Variants in KIAA0232 observed in about 807,000 individuals in gnomAD.
KIAA0232 encodes the protein KIAA0232, also known as uncharacterized protein KIAA0232.
KIAA0232 carries 27 observed loss-of-function variants against 122.0 expected under a neutral mutation model. The ratio of observed to expected loss-of-function variants is 0.22; its 90% confidence interval spans 0.16 to 0.31. The LOEUF (loss-of-function observed/expected upper bound fraction) is 0.31, where lower values mean the gene tolerates loss of function less well. Ranked by LOEUF, KIAA0232 falls within the 10% of genes least tolerant of loss-of-function variation. The probability of loss-of-function intolerance (pLI) is 1.00; values close to 1 mark genes in which losing one functional copy is unlikely to be tolerated. For synonymous variants in KIAA0232, 613 were observed against 587.6 expected (o/e 1.04, Z -0.63); for missense variants, 1,551 against 1,634.2 (o/e 0.95, Z 0.88).
intron 1 of KIAA0232, among the ~76,000 whole-genome samples, chr4:6,804,076 T>G (rs1253243988): frequency 1.3e-5 from 2 of 152,212 alleles, no homozygotes; most frequent in East Asian, 3.8e-4. Flanking sequence ...TCTATTTTAT[T>G]TATTTGGGGA....
chr4:6,844,162 C>T (rs563545893), intron 4 of KIAA0232, among the ~76,000 whole-genome samples: 10 of 151,516 alleles, frequency 6.6e-5, no homozygotes, highest in South Asian at 4.2e-4. Flanking sequence ...GGATGGTCTC[C>T]ATCTCCTGAC....
chr4:6,825,409 G>A (rs1718625354), intron 3 of KIAA0232, among the ~76,000 whole-genome samples: 1 of 152,042 alleles, frequency 6.6e-6, no homozygotes, highest in African/African-American at 2.4e-5. Flanking sequence ...AATTAGCCAG[G>A]CATGGTAGCA....
chr4:6,874,481 G>C (rs1721651517), intron 8 of KIAA0232, among the ~76,000 whole-genome samples: 1 of 152,164 alleles, frequency 6.6e-6, no homozygotes, highest in African/African-American at 2.4e-5. Flanking sequence ...TGTAGACTCT[G>C]TGCACCAGGA....
intron 4 of KIAA0232, among the ~76,000 whole-genome samples, chr4:6,850,558 G>A (rs942037896): frequency 3.7e-4 from 56 of 151,136 alleles, no homozygotes; most frequent in African/African-American, 1.2e-3. Context: ...TTCATTCTTC[G>A]TTCCTAAGTA....
At chr4:6,834,293 AAGG>A (rs1398693469) in intron 3 of KIAA0232, among the ~76,000 whole-genome samples, 2 of 152,206 alleles carry the variant, frequency 1.3e-5, no homozygotes, top group Non-Finnish European at 2.9e-5. Flanking sequence ...CTGAGGATTA[AAGG>A]AGATTCATTT....
chr4:6,857,788 A>G (rs1006357737), intron 5 of KIAA0232, among the ~76,000 whole-genome samples: 5 of 152,130 alleles, frequency 3.3e-5, no homozygotes, highest in South Asian at 2.1e-4. Flanking sequence ...CTTGTTTGCA[A>G]TCCCTAAGAA....
chr4:6,848,099 T>C (rs965358762), intron 4 of KIAA0232, among the ~76,000 whole-genome samples: 2 of 152,160 alleles, frequency 1.3e-5, no homozygotes, highest in African/African-American at 4.8e-5. Flanking sequence ...ACCAGTCCTA[T>C]TGTTATTTAA....
intron 7 of KIAA0232, among the ~76,000 whole-genome samples, chr4:6,865,338 C>T (rs1297665420): frequency 1.3e-5 from 2 of 152,148 alleles, no homozygotes; most frequent in East Asian, 3.9e-4. Context: ...CTCGCTCTGT[C>T]GCCCAGGCTT....
rs1168736541 is a variant in KIAA0232, at chr4:6,880,266, CT to C, written c.4009-520del. 2.9e-4 allele frequency among the ~76,000 whole-genome samples: 19 copies of C among 64,972 alleles called. 1 individual carries two copies. Among genetic ancestry groups the C allele is most frequent in the East Asian group, 1.0e-3 (4 of 3,856 alleles). The allele number at this position is 64,972 out of a possible 152,430, so 42.6% of individuals were successfully genotyped here. The stretch of plus-strand genomic sequence containing the variant: ...GAGGTCTGCAGTGTCCCCTCACCAT[CT>C]GTACTGTGTCACTGCAAACTCCCTT... On this transcript the variant is annotated intron_variant, in intron 9 of 9. Coordinates refer to ENST00000307659, the MANE Select transcript of KIAA0232 (RefSeq NM_014743.3).
chr4:6,849,587 G>C (rs972505543), intron 4 of KIAA0232, among the ~76,000 whole-genome samples: 8 of 152,176 alleles, frequency 5.3e-5, no homozygotes. Flanking sequence ...CTGCACTGCA[G>C]CCTGGGCAAC....
chr4:6,801,964 C>T (rs139864544), intron 1 of KIAA0232, among the ~76,000 whole-genome samples: 220 of 152,200 alleles, frequency 1.4e-3, no homozygotes, highest in African/African-American at 5.1e-3. Context: ...TAAATACCCA[C>T]TAAATGGTGG....
In KIAA0232 at chr4:6,837,125, G is replaced by A. The variant is rs534572644; in HGVS notation, c.232-4942G>A. Among the ~76,000 whole-genome samples, 1,095 of 151,758 alleles carry A rather than the reference G, an allele frequency of 7.2e-3. 13 individuals are homozygous for A. Among genetic ancestry groups the A allele is most frequent in the African/African-American group, 0.025 (1,042 of 41,424 alleles). On this transcript the variant is annotated intron_variant, in intron 3 of 9. Coordinates refer to ENST00000307659, the MANE Select transcript of KIAA0232 (RefSeq NM_014743.3). ...CCACCTCCCAGACGGGGCAGCGGCC[G>A]GGCGGGGGCTGCCCCCCACCTCCCG...
intron 1 of KIAA0232, among the ~76,000 whole-genome samples, chr4:6,790,046 G>A (rs1334615198): frequency 3.3e-5 from 5 of 151,984 alleles, no homozygotes; most frequent in Admixed American, 6.6e-5. Context: ...AAAAAAGAGT[G>A]GAAAATAGAA....
Position 6,782,752 on chromosome 4 carries a change from C to A in KIAA0232, c.-443C>A, listed in dbSNP as rs951001370. 6.7e-6 allele frequency: 1 copy of A among 149,776 alleles called. No homozygotes were observed. Among genetic ancestry groups the A allele is most frequent in the Non-Finnish European group, 1.5e-5 (1 of 67,156 alleles). The allele number at this position is 149,776 out of a possible 1,614,324, so 9.3% of individuals were successfully genotyped here. A position where few individuals can be genotyped will look rare whatever the true frequency, so the allele number is the denominator to read the frequency against. Reference sequence around the variant, plus strand: ...GCTTTACGTAAGGCGCAGGCCAGGGCCGCCCGGCGCTCGGCAGCCGCCCGC... The same window carrying A: ...GCTTTACGTAAGGCGCAGGCCAGGGACGCCCGGCGCTCGGCAGCCGCCCGC... On this transcript the variant is annotated 5_prime_UTR_variant, in exon 1 of 10. Coordinates refer to ENST00000307659, the MANE Select transcript of KIAA0232 (RefSeq NM_014743.3).
chr4:6,841,323 A>G (rs1719651025), intron 3 of KIAA0232, among the ~76,000 whole-genome samples: 1 of 152,202 alleles, frequency 6.6e-6, no homozygotes, highest in Non-Finnish European at 1.5e-5. Flanking sequence ...TTATCTCAAA[A>G]TCTATTTGCC....
In KIAA0232 at chr4:6,880,812, G is replaced by A. The variant is rs751651674; in HGVS notation, c.4034G>A (p.Cys1345Tyr). 4 of 1,586,808 alleles carry A rather than the reference G, an allele frequency of 2.5e-6. No individual in the cohort carries two copies. The highest frequency in any genetic ancestry group is 2.3e-5 in the South Asian group (2 of 86,368). The change falls in exon 10 of 10, where the codon TGT (cysteine) becomes TAT (tyrosine). Residue 1345 changes from cysteine to tyrosine, a missense_variant. Transcript: ENST00000307659. ...GTGTCTTCTGTTTATGAAGCAAGAT[G>A]TACAGGAGAGAGAGATTCTGGAGCA... Reference protein sequence around the residue: ...NRVSSVYEARCTGERDSGAKS... With the variant: ...NRVSSVYEARYTGERDSGAKS...
At chr4:6,784,937 A>ATTTTTT (rs10563839) in intron 1 of KIAA0232, among the ~76,000 whole-genome samples, 1 of 135,528 alleles carries the variant, frequency 7.4e-6, no homozygotes, top group African/African-American at 2.9e-5. Flanking sequence ...GATCAGATGA[A>ATTTTTT]TTTTTTTTTT....
In KIAA0232 at chr4:6,835,800, A is replaced by G. The variant is rs540812131; in HGVS notation, c.232-6267A>G. ...GTGTCCCTGCAAAGGACATGAACTCATCCTTTTTTATGGCTGCGTAGTATT... is the reference window on the plus strand; with the variant it reads ...GTGTCCCTGCAAAGGACATGAACTCGTCCTTTTTTATGGCTGCGTAGTATT... On this transcript the variant is annotated intron_variant, in intron 3 of 9. Coordinates refer to ENST00000307659, the MANE Select transcript of KIAA0232 (RefSeq NM_014743.3). Among the ~76,000 whole-genome samples, 385 of 152,316 alleles carry G rather than the reference A, an allele frequency of 2.5e-3. 2 individuals are homozygous for G. The highest frequency in any genetic ancestry group is 9.2e-3 in the African/African-American group (381 of 41,566).
intron 6 of KIAA0232, among the ~76,000 whole-genome samples, chr4:6,860,291 T>A (rs1421239058): frequency 6.6e-6 from 1 of 152,168 alleles, no homozygotes; most frequent in Non-Finnish European, 1.5e-5. Flanking sequence ...GAAACTGAGC[T>A]ATGGAGAGGT....
Sources: allele counts gnomAD v4.1 joint callset (sites outside exome capture counted in the v4.1 genomes callset), GRCh38; gene constraint gnomAD v4.1.1; transcripts MANE v1.5; gene names NCBI Gene and HGNC (gene_info 2026-07-23, HGNC 2026-07-21).